APEH: variants seen among roughly 807,000 people sequenced by gnomAD.
The protein encoded by APEH is acylaminoacyl-peptide hydrolase.
APEH carries 75 observed loss-of-function variants against 102.7 expected under a neutral mutation model. The observed-to-expected ratio is 0.73, with a 90% CI of 0.61 to 0.89. APEH has a LOEUF of 0.89. APEH is among the 40% of genes least tolerant of loss of function. APEH has a pLI of 0.00. For missense variants in APEH, 863 were observed against 941.2 expected, an observed-to-expected ratio of 0.92 and a Z score of 1.09; for synonymous variants, 344 against 362.7, an observed-to-expected ratio of 0.95 and a Z score of 0.59.
Position 49,679,367 on chromosome 3 carries a change from T to C in APEH, c.1159-226T>C, listed in dbSNP as rs147306627. ...GCCAACTCAAAGGGGCTCAAAGCCA[T>C]TCCTTACCTTGCCCAGGGTCACCCA... On this transcript the variant is annotated intron_variant, in intron 12 of 21. Transcript: ENST00000296456. This position sits in a 1 kb window ranked among gnomAD's most constrained non-coding sequence, Gnocchi z 4.3. Among the ~76,000 whole-genome samples the C allele has an allele frequency of 6.6e-6, 1 of 152,284 alleles. No homozygotes were observed. The highest frequency in any genetic ancestry group is 1.9e-4 in the East Asian group (1 of 5,178).
rs763155531 is a variant in APEH at position 49,679,684 on chromosome 3, G to C, written c.1210+40G>C. 3.1e-6 allele frequency: 5 copies of C among 1,598,640 alleles called. No homozygotes were observed. The highest frequency in any genetic ancestry group is 4.3e-6 in the Non-Finnish European group (5 of 1,166,642). ...GGGGATGGGGGTAAGGGCAGGGCTG[G>C]TGAGCAAGCCAACCAGGCAGCGGGG... On this transcript the variant is annotated intron_variant, in intron 13 of 21. Coordinates refer to ENST00000296456, the MANE Select transcript of APEH (RefSeq NM_001640.4). The surrounding 1 kb of genome is among the most constrained non-coding windows in gnomAD (Gnocchi z 4.3).
In APEH at chr3:49,676,579, C is replaced by T. The variant is rs1417456075; in HGVS notation, c.745-30C>T. ...ACCCTTCTTGAGCTACCACCCCTTG[C>T]TCACTCCTGCCCTTTGATCCTGTTT... On this transcript the variant is annotated intron_variant, in intron 7 of 21. Coordinates refer to ENST00000296456, the MANE Select transcript of APEH (RefSeq NM_001640.4). 1.9e-6 allele frequency: 3 copies of T among 1,614,116 alleles called. No individual in the cohort carries two copies. In the African/African-American group the frequency reaches 4.0e-5, roughly 22 times the overall value.
chr3:49,678,581 T>G (rs535223893), intron 11 of APEH, among the ~76,000 whole-genome samples: 1 of 152,306 alleles, frequency 6.6e-6, no homozygotes, highest in South Asian at 2.1e-4. Context: ...GAGCAAGTGC[T>G]TTTCCTCTGA....
intron 14 of APEH, 65 bp from the exon 15 acceptor site, chr3:49,681,036 G>C (rs1368291734): frequency 6.6e-7 from 1 of 1,504,658 alleles, no homozygotes; most frequent in Non-Finnish European, 8.9e-7. Context: ...ATTTCCCACT[G>C]TGGGCAGAAG....
At chr3:49,678,704 C>T (rs1054088740) in intron 11 of APEH, 148 bp from the exon 12 acceptor site, 27 of 681,862 alleles carry the variant, frequency 4.0e-5, no homozygotes, top group South Asian at 3.0e-4. Flanking sequence ...CATCGCGTAG[C>T]GTGCCCCCAT....
rs771780843 is a variant in APEH, at chr3:49,677,651, G to A, written c.1060+18G>A. 6.2e-7 allele frequency: 1 copy of A among 1,609,262 alleles called. No homozygotes were observed. Among genetic ancestry groups the A allele is most frequent in the Non-Finnish European group, 8.5e-7 (1 of 1,175,858 alleles). ...GCTGGGAGGTAAGGCATACCTGGCT[G>A]GGTGGGTGCAGTGGGGCCTGTAGCT... On this transcript the variant is annotated intron_variant, in intron 11 of 21. Coordinates refer to ENST00000296456, the MANE Select transcript of APEH (RefSeq NM_001640.4).
Position 49,683,767 on chromosome 3 carries a change from TG to T in APEH, c.*426del, listed in dbSNP as rs747236765. On this transcript the variant is annotated 3_prime_UTR_variant, in exon 22 of 22. Transcript: ENST00000296456. ...CAAGAGTATGTCTGGAGGACTAGTG[TG>T]AGGCCCTGTCTTTCCACGGCACCCA... The T allele has an allele frequency of 7.4e-6, 4 of 541,772 alleles. No individual in the cohort carries two copies. The highest frequency in any genetic ancestry group is 1.9e-5 in the African/African-American group (1 of 52,706). 33.6% of individuals were successfully genotyped at this position (541,772 alleles called of 1,614,324 possible). A position where few individuals can be genotyped will look rare whatever the true frequency, so the allele number is the denominator to read the frequency against.
chr3:49,680,813 A>G (rs2053284362), intron 14 of APEH, among the ~76,000 whole-genome samples, 184 bp downstream of exon 14: 1 of 152,226 alleles, frequency 6.6e-6, no homozygotes, highest in Non-Finnish European at 1.5e-5. Flanking sequence ...CTAGGCTAGA[A>G]TCTGCTCCGT....
At position 49,675,910 on chromosome 3, in the gene APEH, A is replaced by C; in HGVS notation, c.386A>C (p.Lys129Thr). 6.2e-7 allele frequency: 1 copy of C among 1,614,160 alleles called. No individual in the cohort carries two copies. Among genetic ancestry groups the C allele is most frequent in the Non-Finnish European group, 8.5e-7 (1 of 1,180,012 alleles). ...QFLEVWEKNR[K>T]LKSFNLSALE... ...CCTCAGGTCTGGGAGAAGAACCGGA[A>C]GCTCAAGAGCTTCAACCTGTCAGCG... is the stretch of plus-strand genomic sequence containing the variant. The change falls in exon 5 of 22, where the codon AAG becomes ACG. Residue 129 changes from lysine to threonine, a missense_variant. Transcript: ENST00000296456.
In APEH at chr3:49,676,042, C is replaced by T. The variant is rs779911863; in HGVS notation, c.443-14C>T. The T allele has an allele frequency of 3.1e-6, 5 of 1,614,170 alleles. No individual in the cohort carries two copies. The East Asian group carries it at 1.1e-4, about 36-fold the overall frequency. ...AGCCCTGGGCCCCCCCTGATTGGCC[C>T]TCCCTGCACCCAGACTGCTTTGGCT... On this transcript the variant is annotated splice_polypyrimidine_tract_variant and intron_variant, in intron 5 of 21. Transcript: ENST00000296456.
chr3:49,678,769 T>A, intron 11 of APEH, 83 bp from the exon 12 acceptor site: 1 of 1,191,844 alleles, frequency 8.4e-7, no homozygotes, highest in Non-Finnish European at 1.2e-6. Context: ...CCTGGGTGAA[T>A]TCCCCAGTAC....
At chr3:49,680,670 T>A in intron 14 of APEH, 41 bp downstream of exon 14, 1 of 1,574,096 alleles carries the variant, frequency 6.4e-7, no homozygotes, top group Non-Finnish European at 8.7e-7. Context: ...GCAGGGGTTC[T>A]GGGCAGGCAG....
chr3:49,682,531 T>G lies in APEH; in HGVS notation c.1693-15T>G. 8 of 1,613,930 alleles carry G rather than the reference T, an allele frequency of 5.0e-6. No homozygotes were observed. The highest frequency in any genetic ancestry group is 6.8e-6 in the Non-Finnish European group (8 of 1,179,874). ...GCGGGCAGCTGGCTGCAGCATGCTT[T>G]GTCCCACCCTGCAGTTTGCAGTGGA... is the stretch of plus-strand genomic sequence containing the variant. On this transcript the variant is annotated splice_polypyrimidine_tract_variant and intron_variant, in intron 18 of 21. Coordinates refer to ENST00000296456, the MANE Select transcript of APEH (RefSeq NM_001640.4).
Position 49,680,411 on chromosome 3 carries a change from G to C in APEH, c.1211-130G>C, listed in dbSNP as rs1195679391. On this transcript the variant is annotated intron_variant, in intron 13 of 21. Coordinates refer to ENST00000296456, the MANE Select transcript of APEH (RefSeq NM_001640.4). ...CGGGGCCATGTGCAGTTGGGTGTTTGTGAAAGGCACTTCTCGGGGAGAAAA... is the reference window on the plus strand; with the variant it reads ...CGGGGCCATGTGCAGTTGGGTGTTTCTGAAAGGCACTTCTCGGGGAGAAAA... The C allele has an allele frequency of 5.2e-6, 4 of 771,652 alleles. No homozygotes were observed. In the East Asian group the frequency reaches 1.1e-4, roughly 21 times the overall value. The allele number at this position is 771,652 out of a possible 1,614,324, so 47.8% of individuals were successfully genotyped here. A position where few individuals can be genotyped will look rare whatever the true frequency, so the allele number is the denominator to read the frequency against.
Position 49,682,662 on chromosome 3 carries a change from C to A in APEH, c.1809C>A (p.Thr603=), listed in dbSNP as rs777316688. The A allele has an allele frequency of 4.3e-6, 7 of 1,614,062 alleles. No homozygotes were observed. In the South Asian group the frequency reaches 7.7e-5, roughly 18 times the overall value. The change falls in exon 19 of 22, where the codon ACC becomes ACA. Residue 603 remains threonine (T), a synonymous_variant. Transcript: ENST00000296456. ...ACTTGATTGGTCAGTACCCAGAGAC[C>A]TACAGGGCCTGCGTGGCCCGGAACC... The part of the protein sequence containing the change: ...SCHLIGQYPE[T]YRACVARNPV...
Position 49,679,004 on chromosome 3 carries a change from C to G in APEH, c.1158+55C>G. The G allele has an allele frequency of 6.7e-7, 1 of 1,483,292 alleles. No homozygotes were observed. Among genetic ancestry groups the G allele is most frequent in the African/African-American group, 1.4e-5 (1 of 71,908 alleles). 91.9% of individuals were successfully genotyped at this position (1,483,292 alleles called of 1,614,324 possible). On this transcript the variant is annotated intron_variant, in intron 12 of 21. Coordinates refer to ENST00000296456, the MANE Select transcript of APEH (RefSeq NM_001640.4). The surrounding 1 kb of genome is among the most constrained non-coding windows in gnomAD (Gnocchi z 4.3). ...GCCCCTGTGGTCAACCCCCAGGAGC[C>G]CTGGGGGTTGCATGTGCATGCCCCT...
Position 49,682,737 on chromosome 3 carries a change from G to A in APEH, c.1883+1G>A. ...TGGGCTCCACTGACATCCCTGACTG[G>A]TAGGCATACACCACAGGTCCCTGCC... On this transcript the variant is annotated splice_donor_variant, in intron 19 of 21. Coordinates refer to ENST00000296456, the MANE Select transcript of APEH (RefSeq NM_001640.4). LOFTEE classifies it high-confidence loss of function. 6.2e-7 allele frequency: 1 copy of A among 1,613,832 alleles called. No homozygotes were observed. Among genetic ancestry groups the A allele is most frequent in the South Asian group, 1.1e-5 (1 of 91,076 alleles).
At chr3:49,678,040 AT>A (rs2053149542) in intron 11 of APEH, among the ~76,000 whole-genome samples, 1 of 152,128 alleles carries the variant, frequency 6.6e-6, no homozygotes. Flanking sequence ...AGGGCATGAT[AT>A]TATCCCATCC....
At position 49,683,562 on chromosome 3, in the gene APEH, G is replaced by C; in HGVS notation, c.*220G>C. 3.6e-6 allele frequency: 2 copies of C among 549,614 alleles called. No individual in the cohort carries two copies. 34.0% of individuals were successfully genotyped at this position (549,614 alleles called of 1,614,324 possible). A position where few individuals can be genotyped will look rare whatever the true frequency, so the allele number is the denominator to read the frequency against. On this transcript the variant is annotated 3_prime_UTR_variant, in exon 22 of 22. Coordinates refer to ENST00000296456, the MANE Select transcript of APEH (RefSeq NM_001640.4). ...TCCCCAACCCCACCTCCCACTCTGGGGTGCAGAGACCCTAGGTTCTGGGTG... is the reference window on the plus strand; with the variant it reads ...TCCCCAACCCCACCTCCCACTCTGGCGTGCAGAGACCCTAGGTTCTGGGTG...
Sources: allele counts gnomAD v4.1 joint callset (sites outside exome capture counted in the v4.1 genomes callset), GRCh38; gene constraint gnomAD v4.1.1; non-coding constraint Gnocchi (gnomAD v3.1); transcripts MANE v1.5; gene names NCBI Gene and HGNC (gene_info 2026-07-23, HGNC 2026-07-21).